The following AFF3 variants were observed in gnomAD, a reference collection of about 807,000 sequenced individuals.
AFF3 encodes the protein AF4/FMR2 family member 3.
In AFF3, 32 loss-of-function variants were observed where a neutral mutation model predicts 129.7. The ratio of observed to expected loss-of-function variants is 0.25; its 90% CI spans 0.19 to 0.33. AFF3 has a LOEUF of 0.33. AFF3 is among the 10% of genes least tolerant of loss of function. The pLI, the probability that AFF3 is intolerant of heterozygous loss-of-function variation, is 1.00. For missense variants in AFF3, 1,373 were observed against 1,592.0 expected, an observed-to-expected ratio of 0.86 and a Z score of 2.34; for synonymous variants, 644 against 635.4, an observed-to-expected ratio of 1.01 and a Z score of -0.20.
rs570728741 is a variant in AFF3 at position 100,039,439 on chromosome 2, T to G, written c.54-30507A>C. ...CAGGTGTGGTGGCTTGTGCCTCTAG[T>G]GTCTGCTACTTGCGAGGCTGAGGCA... is the stretch of plus-strand genomic sequence containing the variant. On this transcript the variant is annotated intron_variant, in intron 4 of 24. Transcript: ENST00000672756. Among the ~76,000 whole-genome samples the G allele has an allele frequency of 9.2e-5, 14 of 152,218 alleles. 1 individual carries two copies. The South Asian group carries it at 1.2e-3, about 14-fold the overall frequency.
At chr2:99,609,931 C>T (rs551520436) in intron 13 of AFF3, among the ~76,000 whole-genome samples, 59 of 152,296 alleles carry the variant, frequency 3.9e-4, no homozygotes, top group African/African-American at 1.2e-3. Context: ...AAACAGCCAG[C>T]TCCTGTCTTA....
intron 7 of AFF3, among the ~76,000 whole-genome samples, chr2:99,957,139 G>T (rs1446519645): frequency 6.7e-6 from 1 of 148,920 alleles, no homozygotes; most frequent in African/African-American, 2.6e-5. Context: ...GGCTGTGTGT[G>T]GACATACGTG....
At chr2:99,662,862 T>C (rs915422157) in intron 12 of AFF3, among the ~76,000 whole-genome samples, 1 of 152,174 alleles carries the variant, frequency 6.6e-6, no homozygotes, top group African/African-American at 2.4e-5. Flanking sequence ...AATGTCACGC[T>C]GACTGGATGA....
rs527432996 is a variant in AFF3, at chr2:99,654,708, T to C, written c.1144-5042A>G. 2.2e-3 allele frequency among the ~76,000 whole-genome samples: 328 copies of C among 152,344 alleles called. 1 individual carries two copies. The highest frequency in any genetic ancestry group is 4.8e-3 in the South Asian group (23 of 4,834). The stretch of plus-strand genomic sequence containing the variant: ...ACGTCATTGATCCTTCCTGAGTTCA[T>C]TATTCATTACGAATGATTCTAAACT... On this transcript the variant is annotated intron_variant, in intron 12 of 24. Transcript: ENST00000672756.
At chr2:99,928,863 C>T (rs1696472108) in intron 7 of AFF3, among the ~76,000 whole-genome samples, 1 of 151,984 alleles carries the variant, frequency 6.6e-6, no homozygotes, top group Non-Finnish European at 1.5e-5. Flanking sequence ...GAGCTCAGAC[C>T]CACTCTCTTG....
At chr2:99,603,182 G>A (rs1334332658) in intron 13 of AFF3, among the ~76,000 whole-genome samples, 1 of 151,988 alleles carries the variant, frequency 6.6e-6, no homozygotes, top group South Asian at 2.1e-4. Context: ...ACAGAGTAGG[G>A]CAAGGCACAG....
chr2:99,721,196 G>A (rs187559546), intron 11 of AFF3, among the ~76,000 whole-genome samples: 411 of 152,186 alleles, frequency 2.7e-3, no homozygotes, highest in Non-Finnish European at 4.9e-3. Context: ...ATCCCAACAT[G>A]TCTTTATTTT....
intron 9 of AFF3, among the ~76,000 whole-genome samples, chr2:99,747,233 T>C (rs1681243888): frequency 6.6e-6 from 1 of 152,174 alleles, no homozygotes; most frequent in South Asian, 2.1e-4. Context: ...TTTCACCATG[T>C]TGGCCAGGCT....
chr2:99,784,235 T>C lies in AFF3; in HGVS notation c.922-31934A>G, dbSNP rs557457558. On this transcript the variant is annotated intron_variant, in intron 8 of 24. Coordinates refer to ENST00000672756, the MANE Select transcript of AFF3 (RefSeq NM_001386135.1). Reference sequence around the variant, plus strand: ...ACCAGAACTTTGTCCTCTTGGATAGTTTCCCATCTAGAAACAAGATTTGGG... The same window carrying C: ...ACCAGAACTTTGTCCTCTTGGATAGCTTCCCATCTAGAAACAAGATTTGGG... Among the ~76,000 whole-genome samples, 13 of 152,332 alleles carry C rather than the reference T, an allele frequency of 8.5e-5. No homozygotes were observed. In the South Asian group the frequency reaches 1.9e-3, roughly 22 times the overall value.
At chr2:100,019,828 G>T (rs918132232) in intron 4 of AFF3, among the ~76,000 whole-genome samples, 5 of 151,830 alleles carry the variant, frequency 3.3e-5, no homozygotes, top group Admixed American at 3.3e-4. Flanking sequence ...CTCCTCTCTG[G>T]GGGGAGCCCT....
At chr2:99,839,312 C>T (rs567583127) in intron 7 of AFF3, among the ~76,000 whole-genome samples, 1 of 152,026 alleles carries the variant, frequency 6.6e-6, no homozygotes, top group Admixed American at 6.5e-5. Flanking sequence ...GTTTCACCAT[C>T]TTGGCCAGGC....
chr2:100,115,549 C>T (rs567350342), intron 2 of AFF3, among the ~76,000 whole-genome samples: 238 of 152,234 alleles, frequency 1.6e-3, no homozygotes, highest in African/African-American at 4.7e-3. Flanking sequence ...CAGAGGGAGA[C>T]GCTGTCTCAA....
At chr2:99,847,020 G>T (rs1171839482) in intron 7 of AFF3, among the ~76,000 whole-genome samples, 1 of 152,146 alleles carries the variant, frequency 6.6e-6, no homozygotes, top group Non-Finnish European at 1.5e-5. Flanking sequence ...CAGGAGAGAA[G>T]GCTTATCTGA....
intron 7 of AFF3, among the ~76,000 whole-genome samples, chr2:99,969,228 C>T (rs932943793): frequency 6.6e-6 from 1 of 152,202 alleles, no homozygotes; most frequent in African/African-American, 2.4e-5. Flanking sequence ...CACAGCATCA[C>T]TCCATTTCTA....
At chr2:99,817,948 T>C (rs1479357375) in intron 8 of AFF3, among the ~76,000 whole-genome samples, 1 of 152,220 alleles carries the variant, frequency 6.6e-6, no homozygotes, top group African/African-American at 2.4e-5. Flanking sequence ...TAATTTTAGA[T>C]GCCTTTGCCT....
At position 100,108,908 on chromosome 2, in the gene AFF3, CTTTTT is replaced by C. The variant is rs34769933; in HGVS notation, c.-144-3330_-144-3326del. On this transcript the variant is annotated intron_variant, in intron 2 of 24. Coordinates refer to ENST00000672756, the MANE Select transcript of AFF3 (RefSeq NM_001386135.1). Reference sequence around the variant, plus strand: ...GTTTCTGGGAATGTGCATTTCTTTCCTTTTTTTTTTTTTTTTTTTTTTTTTTTAAC... The same window carrying C: ...GTTTCTGGGAATGTGCATTTCTTTCCTTTTTTTTTTTTTTTTTTTTTTAAC... 2.0e-3 allele frequency among the ~76,000 whole-genome samples: 177 copies of C among 88,090 alleles called. 1 individual carries two copies. The highest frequency in any genetic ancestry group is 0.01 in the Middle Eastern group (1 of 98). 57.8% of individuals were successfully genotyped at this position (88,090 alleles called of 152,430 possible). A position where few individuals can be genotyped will look rare whatever the true frequency, so the allele number is the denominator to read the frequency against.
chr2:99,979,188 C>G (rs936642632), intron 7 of AFF3, among the ~76,000 whole-genome samples: 30 of 152,236 alleles, frequency 2.0e-4, no homozygotes, highest in Admixed American at 1.0e-3. Context: ...AAAGACCCTG[C>G]AGTGTGTTAT....
chr2:99,580,959 G>T lies in AFF3; in HGVS notation c.2793+1839C>A, dbSNP rs190679998. Among the ~76,000 whole-genome samples, 440 of 152,330 alleles carry T rather than the reference G, an allele frequency of 2.9e-3. 7 individuals carry two copies. The South Asian group carries it at 0.05, about 17-fold the overall frequency. ...GCCACTCCTAGGACTAATTCAAGCTGCTTTGTTATAAGAGCTCCTAGTTCT... is the reference window on the plus strand; with the variant it reads ...GCCACTCCTAGGACTAATTCAAGCTTCTTTGTTATAAGAGCTCCTAGTTCT... On this transcript the variant is annotated intron_variant, in intron 17 of 24. Transcript: ENST00000672756.
chr2:99,699,420 A>C (rs1387655323), intron 11 of AFF3, among the ~76,000 whole-genome samples: 1 of 152,152 alleles, frequency 6.6e-6, no homozygotes, highest in Non-Finnish European at 1.5e-5. Flanking sequence ...ACAACATCAA[A>C]ATCCTTGATG....
Sources: allele counts gnomAD v4.1 joint callset (sites outside exome capture counted in the v4.1 genomes callset), GRCh38; gene constraint gnomAD v4.1.1; transcripts MANE v1.5; gene names NCBI Gene and HGNC (gene_info 2026-07-23, HGNC 2026-07-21).